RAB2A: variants seen among roughly 807,000 people sequenced by gnomAD.
The protein encoded by RAB2A is RAB2A, member RAS oncogene family.
RAB2A carries 7 observed loss-of-function variants against 32.5 expected under a neutral mutation model. The observed-to-expected ratio is 0.22, with a 90% CI of 0.12 to 0.40. RAB2A has a LOEUF of 0.40. RAB2A is among the 10% of genes least tolerant of loss of function. The pLI is 1.00. For missense variants in RAB2A, 108 were observed against 260.7 expected (o/e 0.41, Z 4.03); for synonymous variants, 79 against 85.2 (o/e 0.93, Z 0.40).
Position 60,520,182 on chromosome 8 carries a change from T to A in RAB2A, c.46+2929T>A, listed in dbSNP as rs76791408. On this transcript the variant is annotated intron_variant, in intron 1 of 7. Coordinates refer to ENST00000262646, the MANE Select transcript of RAB2A (RefSeq NM_002865.3). ...GGAAAGGAACAATGCACATTTTTCC[T>A]TTTCAGAATTCCCTCTTTAATAGAA... 6.8e-4 allele frequency among the ~76,000 whole-genome samples: 104 copies of A among 152,366 alleles called. 1 individual carries two copies. The highest frequency in any genetic ancestry group is 2.3e-3 in the African/African-American group (97 of 41,584).
intron 1 of RAB2A, among the ~76,000 whole-genome samples, chr8:60,527,039 A>G (rs986212820): frequency 1.3e-5 from 2 of 152,134 alleles, no homozygotes; most frequent in African/African-American, 4.8e-5. Context: ...TAATTAACTC[A>G]CAATTCCACA....
At chr8:60,544,591 C>CAGTATGTT (rs1291386334) in intron 1 of RAB2A, among the ~76,000 whole-genome samples, 2 of 127,694 alleles carry the variant, frequency 1.6e-5, no homozygotes, top group Non-Finnish European at 3.1e-5. Context: ...GATGGGGTCT[C>CAGTATGTT]AGTATGTTGC....
chr8:60,542,461 T>C (rs568618127), intron 1 of RAB2A, among the ~76,000 whole-genome samples: 1 of 151,988 alleles, frequency 6.6e-6, no homozygotes, highest in South Asian at 2.1e-4. Context: ...TTGCAGTGAG[T>C]GTCGAGATCG....
chr8:60,588,236 T>A (rs987826347), intron 5 of RAB2A, among the ~76,000 whole-genome samples: 2 of 152,116 alleles, frequency 1.3e-5, no homozygotes, highest in Non-Finnish European at 2.9e-5. Flanking sequence ...TGAGCCATGA[T>A]CATGCCACTG....
At chr8:60,618,681 A>T (rs1402071397) in intron 7 of RAB2A, 33 bp downstream of exon 7, 2 of 860,136 alleles carry the variant, frequency 2.3e-6, no homozygotes, top group Non-Finnish European at 3.2e-6. Context: ...GGTCAATATT[A>T]ATTTAGAGTT....
intron 1 of RAB2A, chr8:60,553,167 G>A (rs1310485728): frequency 6.6e-6 from 1 of 152,218 alleles, no homozygotes; most frequent in African/African-American, 2.4e-5. Flanking sequence ...CATGTGATTA[G>A]ATAGATAGAG....
intron 5 of RAB2A, among the ~76,000 whole-genome samples, chr8:60,588,869 T>C (rs1359137382): frequency 1.3e-5 from 2 of 152,208 alleles, no homozygotes; most frequent in Admixed American, 6.5e-5. Context: ...TTAATAGAAA[T>C]TGAGATTTGC....
intron 2 of RAB2A, among the ~76,000 whole-genome samples, chr8:60,565,676 ATTTTTTTTTTTTTT>A (rs71252885): frequency 1.0e-5 from 1 of 97,670 alleles, no homozygotes; most frequent in Admixed American, 1.3e-4. Context: ...TCTGTAGCTG[ATTTTTTTTTTTTTT>A]TTTTTTTTTT....
intron 1 of RAB2A, among the ~76,000 whole-genome samples, chr8:60,547,519 C>CG (rs1178888544): frequency 3.3e-5 from 5 of 151,174 alleles, no homozygotes; most frequent in African/African-American, 9.7e-5. Context: ...GCTGGCCGGA[C>CG]GGGGGGCTGA....
rs553095653 is a variant in RAB2A at position 60,598,059 on chromosome 8, G to A, written c.474+6090G>A. Among the ~76,000 whole-genome samples, 8 of 152,250 alleles carry A rather than the reference G, an allele frequency of 5.3e-5. No individual in the cohort carries two copies. In the South Asian group the frequency reaches 1.0e-3, roughly 20 times the overall value. On this transcript the variant is annotated intron_variant, in intron 6 of 7. Transcript: ENST00000262646. ...CTGAAAATACAAAAAGTAGCTGGGC[G>A]TGGTAGCAGGAGCCTGTAATCCCGG...
chr8:60,567,954 C>G (rs1249525208), intron 2 of RAB2A, among the ~76,000 whole-genome samples: 1 of 151,946 alleles, frequency 6.6e-6, no homozygotes, highest in Admixed American at 6.6e-5. Flanking sequence ...TTGAATTATT[C>G]TAGTGTTTTA....
chr8:60,518,738 T>G (rs1249236017), intron 1 of RAB2A, among the ~76,000 whole-genome samples: 1 of 152,066 alleles, frequency 6.6e-6, no homozygotes, highest in Non-Finnish European at 1.5e-5. Flanking sequence ...TTGTAAACTT[T>G]AAAAGAAAAA....
intron 5 of RAB2A, among the ~76,000 whole-genome samples, chr8:60,589,288 C>A (rs1365660057): frequency 6.6e-6 from 1 of 152,092 alleles, no homozygotes; most frequent in Non-Finnish European, 1.5e-5. Flanking sequence ...AGTATGTAAA[C>A]GAGATGTTTC....
At chr8:60,583,756 C>T (rs1803803622) in intron 3 of RAB2A, among the ~76,000 whole-genome samples, 1 of 152,188 alleles carries the variant, frequency 6.6e-6, no homozygotes, top group African/African-American at 2.4e-5. Flanking sequence ...CATTTATTTA[C>T]AATGGGTTTT....
intron 1 of RAB2A, among the ~76,000 whole-genome samples, chr8:60,541,534 C>G (rs1807645625): frequency 6.6e-6 from 1 of 152,008 alleles, no homozygotes. Flanking sequence ...ACTAAAAATA[C>G]AAAAATTAGC....
At chr8:60,589,838 A>C (rs1803912686) in intron 5 of RAB2A, among the ~76,000 whole-genome samples, 1 of 152,188 alleles carries the variant, frequency 6.6e-6, no homozygotes, top group Non-Finnish European at 1.5e-5. Context: ...TAGTAAATAA[A>C]TTGTGTATAC....
chr8:60,534,225 C>T (rs1017686591), intron 1 of RAB2A, among the ~76,000 whole-genome samples: 3 of 152,190 alleles, frequency 2.0e-5, no homozygotes, highest in African/African-American at 4.8e-5. Context: ...TTACTGTATG[C>T]CAGTACTATG....
intron 1 of RAB2A, among the ~76,000 whole-genome samples, chr8:60,536,679 T>C (rs1341050753): frequency 6.6e-6 from 1 of 152,240 alleles, no homozygotes; most frequent in Non-Finnish European, 1.5e-5. Flanking sequence ...TTATTAGATT[T>C]CTGCAGTGTC....
At chr8:60,554,261 G>A (rs1041717312) in intron 1 of RAB2A, among the ~76,000 whole-genome samples, 28 of 152,344 alleles carry the variant, frequency 1.8e-4, no homozygotes, top group Middle Eastern at 3.4e-3. Context: ...TGATGATTCA[G>A]AGGAGGGTAG....
Sources: allele counts gnomAD v4.1 joint callset (sites outside exome capture counted in the v4.1 genomes callset), GRCh38; gene constraint gnomAD v4.1.1; transcripts MANE v1.5; gene names NCBI Gene and HGNC (gene_info 2026-07-23, HGNC 2026-07-21).